The following LRRC32 variants were observed in gnomAD, a reference collection of about 807,000 sequenced individuals.
LRRC32 encodes the protein leucine rich repeat containing 32.
Under a neutral mutation model 15.0 loss-of-function variants are expected in LRRC32, and 5 were observed. The observed-to-expected ratio is 0.33, with a 90% CI of 0.17 to 0.70. The LOEUF (loss-of-function observed/expected upper bound fraction) is 0.70, where lower values mean the gene tolerates loss of function less well. LRRC32 is among the 30% of genes least tolerant of loss of function. LRRC32 has a pLI of 0.66. For missense variants in LRRC32, 803 were observed against 854.2 expected (o/e 0.94, Z 0.75); for synonymous variants, 391 against 403.9 (o/e 0.97, Z 0.38).
intron 1 of LRRC32, 62 bp from the exon 2 acceptor site, chr11:76,666,020 C>T (rs1952620554): frequency 2.7e-6 from 4 of 1,456,346 alleles, no homozygotes; most frequent in Non-Finnish European, 3.9e-6. Context: ...CCACTGCCAG[C>T]CCCCACTCCC....
intron 1 of LRRC32, among the ~76,000 whole-genome samples, 155 bp downstream of exon 1, chr11:76,670,459 G>A (rs1952693482): frequency 6.6e-6 from 1 of 152,224 alleles, no homozygotes; most frequent in African/African-American, 2.4e-5. Flanking sequence ...GACCGAGGGA[G>A]GGTCAGCCCC....
Position 76,660,986 on chromosome 11 carries a change from T to C in LRRC32, c.607A>G (p.Asn203Asp). Residue 203 changes from asparagine (N) to aspartate (D), a missense_variant, in exon 3 of 3, where the codon AAC becomes GAC. Physicochemically the swap from Asn to Asp is conservative, Grantham distance 23. Coordinates refer to ENST00000260061, the MANE Select transcript of LRRC32 (RefSeq NM_001128922.2). The stretch of plus-strand genomic sequence containing the variant: ...CAGGTGAGGGAATTCCTGGAGAGGT[T>C]GAGATGGGTCAGGCGGGGCAGACCC... ...FEGLPRLTHLNLSRNSLTCIS... is the reference protein window; with the variant it reads ...FEGLPRLTHLDLSRNSLTCIS... 6.2e-7 allele frequency: 1 copy of C among 1,614,066 alleles called. No homozygotes were observed. Among genetic ancestry groups the C allele is most frequent in the South Asian group, 1.1e-5 (1 of 91,076 alleles).
chr11:76,660,286 C>A lies in LRRC32; in HGVS notation c.1307G>T (p.Cys436Phe). The A allele has an allele frequency of 6.3e-7, 1 of 1,582,810 alleles. No homozygotes were observed. The highest frequency in any genetic ancestry group is 8.6e-7 in the Non-Finnish European group (1 of 1,166,654). The change falls in exon 3 of 3, where the codon TGT becomes TTT. Residue 436 changes from cysteine (C) to phenylalanine (F), a missense_variant. Physicochemically the swap from Cys to Phe is radical, Grantham distance 205 (BLOSUM62 -2). Transcript: ENST00000260061. ...GGAGGTGATGCCGGAGAAGGCCACA[C>A]AGCCGGAGGGGCCAGGCTCATCTGG... Reference protein sequence around the residue: ...GGPDEPGPSGCVAFSGITSLR... With the variant: ...GGPDEPGPSGFVAFSGITSLR...
chr11:76,659,436 G>A lies in LRRC32; in HGVS notation c.*168C>T, dbSNP rs563473113. 2.0e-5 allele frequency: 15 copies of A among 734,758 alleles called. No individual in the cohort carries two copies. Among genetic ancestry groups the A allele is most frequent in the Admixed American group, 5.9e-5 (2 of 33,656 alleles). The allele number at this position is 734,758 out of a possible 1,614,324, so 45.5% of individuals were successfully genotyped here. ...CACAGCTGGACCCAAAGTGCAGCCC[G>A]GGAAGGGGGTCACCCACTGATGCAG... On this transcript the variant is annotated 3_prime_UTR_variant, in exon 3 of 3. Coordinates refer to ENST00000260061, the MANE Select transcript of LRRC32 (RefSeq NM_001128922.2).
rs1340784391 is a variant in LRRC32, at chr11:76,660,216, C to G, written c.1377G>C (p.Arg459Ser). The change falls in exon 3 of 3, where the codon AGG (arginine) becomes AGC (serine). Residue 459 changes from arginine to serine, a missense_variant. Arg to Ser is a moderately radical substitution (Grantham distance 110). Transcript: ENST00000260061. ...GTGGGGTGTGGAGGAAGGCCCCTGC[C>G]CTGAGCAGCTCTATCTCATTATCCA... ...SLVDNEIELL[R>S]AGAFLHTPLT... The G allele has an allele frequency of 1.9e-6, 3 of 1,578,176 alleles. No homozygotes were observed. In the Admixed American group the frequency reaches 5.5e-5, roughly 29 times the overall value.
chr11:76,664,269 G>C (rs761663161), intron 2 of LRRC32, among the ~76,000 whole-genome samples: 45 of 152,352 alleles, frequency 3.0e-4, no homozygotes, highest in Non-Finnish European at 6.0e-4. Flanking sequence ...GGTGGGCAGG[G>C]CTGCACTGGG....
rs1191933312 is a variant in LRRC32 at position 76,659,791 on chromosome 11, C to T, written c.1802G>A (p.Arg601His). 18 of 1,614,112 alleles carry T rather than the reference C, an allele frequency of 1.1e-5. No individual in the cohort carries two copies. Among genetic ancestry groups the T allele is most frequent in the Middle Eastern group, 1.6e-4 (1 of 6,082 alleles). Residue 601 changes from arginine (R) to histidine (H), a missense_variant, in exon 3 of 3, where the codon CGC becomes CAC. By Grantham distance (29) the Arg-to-His change is conservative. Coordinates refer to ENST00000260061, the MANE Select transcript of LRRC32 (RefSeq NM_001128922.2). ...GGACACCTCCTCCTGGGAGCTGAAG[C>T]GGCAGATCAGGTCCTGGGTGGCGTC... is the stretch of plus-strand genomic sequence containing the variant. ...DVDATQDLIC[R>H]FSSQEEVSLS...
In LRRC32 at chr11:76,657,581, C is replaced by T. The variant is rs1052721689; in HGVS notation, c.*2023G>A. The T allele has an allele frequency of 3.3e-5, 5 of 152,842 alleles. No individual in the cohort carries two copies. Among genetic ancestry groups the T allele is most frequent in the Middle Eastern group, 3.2e-3 (1 of 316 alleles). 9.5% of individuals were successfully genotyped at this position (152,842 alleles called of 1,614,324 possible). A position where few individuals can be genotyped will look rare whatever the true frequency, so the allele number is the denominator to read the frequency against. On this transcript the variant is annotated 3_prime_UTR_variant, in exon 3 of 3. Transcript: ENST00000260061. ...GGTAGGTTATACAAAGAGTTGGTCC[C>T]GAGGCCTGGGCTGAGGCCTGGGCCC...
intron 2 of LRRC32, among the ~76,000 whole-genome samples, chr11:76,662,315 T>C (rs774603059): frequency 6.6e-5 from 10 of 152,176 alleles, no homozygotes; most frequent in East Asian, 1.9e-4. Flanking sequence ...GGAAGTCACA[T>C]AACCACTCTG....
chr11:76,668,233 C>A (rs539799288), intron 1 of LRRC32, among the ~76,000 whole-genome samples: 15 of 152,154 alleles, frequency 9.9e-5, no homozygotes, highest in African/African-American at 3.6e-4. Flanking sequence ...CCATCCATGC[C>A]GTCAGTGGGC....
rs780327997 is a variant in LRRC32 at position 76,660,785 on chromosome 11, G to C, written c.808C>G (p.Leu270Val). 3 of 1,614,184 alleles carry C rather than the reference G, an allele frequency of 1.9e-6. No homozygotes were observed. Among genetic ancestry groups the C allele is most frequent in the Admixed American group, 3.3e-5 (2 of 60,030 alleles). The change falls in exon 3 of 3, where the codon CTG (leucine) becomes GTG (valine). Residue 270 changes from leucine to valine, a missense_variant. Leu to Val is a conservative substitution (Grantham distance 32). Coordinates refer to ENST00000260061, the MANE Select transcript of LRRC32 (RefSeq NM_001128922.2). ...DLAALPRLIYLNLSNNLIRLP... is the reference protein window; with the variant it reads ...DLAALPRLIYVNLSNNLIRLP... ...CGGATGAGGTTGTTGGACAAGTTCA[G>C]GTAGATGAGTCTCGGGAGCGCGGCC...
In LRRC32 at chr11:76,661,421, C is replaced by T; in HGVS notation, c.172G>A (p.Gly58Arg). ...PPDTETLDLS[G>R]NQLRSILASP... The stretch of plus-strand genomic sequence containing the variant: ...GCCAGGATACTCCGCAGCTGGTTCC[C>T]AGATAGATCAAGGGTCTCAGTGTCT... Residue 58 changes from glycine to arginine, a missense_variant, in exon 3 of 3, where the codon GGG (glycine) becomes AGG (arginine). By Grantham distance (125) the Gly-to-Arg change is moderately radical. Coordinates refer to ENST00000260061, the MANE Select transcript of LRRC32 (RefSeq NM_001128922.2). 4 of 1,614,062 alleles carry T rather than the reference C, an allele frequency of 2.5e-6. No individual in the cohort carries two copies. The highest frequency in any genetic ancestry group is 3.4e-6 in the Non-Finnish European group (4 of 1,179,958).
At position 76,660,401 on chromosome 11, in the gene LRRC32, G is replaced by A. The variant is rs1952497062; in HGVS notation, c.1192C>T (p.Leu398=). 1 of 1,613,584 alleles carries A rather than the reference G, an allele frequency of 6.2e-7. No homozygotes were observed. Among genetic ancestry groups the A allele is most frequent in the African/African-American group, 1.3e-5 (1 of 74,930 alleles). ...AAGGTGTATGGGGGCAGGTCCCGCA[G>A]GGCATTGCCCTGTAGGAGCAGCGTC... ...LRTLLLQGNA[L]RDLPPYTFAN... Residue 398 remains leucine, a synonymous_variant, in exon 3 of 3, where the codon CTG becomes TTG. Transcript: ENST00000260061.
rs971769672 is a variant in LRRC32, at chr11:76,658,790, G to C, written c.*814C>G. On this transcript the variant is annotated 3_prime_UTR_variant, in exon 3 of 3. Transcript: ENST00000260061. Reference sequence around the variant, plus strand: ...GCAGCCAAGGTGGGGCTGCGATGGAGAAGTGGGGCTGGGCAGGGACGGTGC... The same window carrying C: ...GCAGCCAAGGTGGGGCTGCGATGGACAAGTGGGGCTGGGCAGGGACGGTGC... 2 of 152,920 alleles carry C rather than the reference G, an allele frequency of 1.3e-5. No homozygotes were observed. Among genetic ancestry groups the C allele is most frequent in the African/African-American group, 4.8e-5 (2 of 41,454 alleles). 9.5% of individuals were successfully genotyped at this position (152,920 alleles called of 1,614,324 possible).
rs1376083099 is a variant in LRRC32, at chr11:76,661,176, G to C, written c.417C>G (p.Gly139=). 1 of 1,613,886 alleles carries C rather than the reference G, an allele frequency of 6.2e-7. No homozygotes were observed. The highest frequency in any genetic ancestry group is 1.7e-5 in the Admixed American group (1 of 60,030). Residue 139 remains glycine (G), a synonymous_variant, in exon 3 of 3, where the codon GGC becomes GGG. Transcript: ENST00000260061. ...CCTCCCCCAGCAGCCGCTCCAGCAGGCCGCTGTACAGGCTGTTCCCAGACA... is the reference window on the plus strand; with the variant it reads ...CCTCCCCCAGCAGCCGCTCCAGCAGCCCGCTGTACAGGCTGTTCCCAGACA... The part of the protein sequence containing the change: ...LDLSGNSLYS[G]LLERLLGEAP...
At chr11:76,661,618 G>T in intron 2 of LRRC32, 110 bp from the exon 3 acceptor site, 1 of 1,444,994 alleles carries the variant, frequency 6.9e-7, no homozygotes, top group South Asian at 1.5e-5. Flanking sequence ...CTTCTCCCAT[G>T]GACTCCCAGA....
chr11:76,658,696 T>C lies in LRRC32; in HGVS notation c.*908A>G, dbSNP rs1952454855. 1 of 152,754 alleles carries C rather than the reference T, an allele frequency of 6.5e-6. No individual in the cohort carries two copies. The highest frequency in any genetic ancestry group is 2.1e-4 in the South Asian group (1 of 4,828). 9.5% of individuals were successfully genotyped at this position (152,754 alleles called of 1,614,324 possible). A position where few individuals can be genotyped will look rare whatever the true frequency, so the allele number is the denominator to read the frequency against. ...CATAGGGGCAGACACAAGGCTTGGATTCAAATCCACATCTGCCAAGCTGGG... is the reference window on the plus strand; with the variant it reads ...CATAGGGGCAGACACAAGGCTTGGACTCAAATCCACATCTGCCAAGCTGGG... On this transcript the variant is annotated 3_prime_UTR_variant, in exon 3 of 3. Transcript: ENST00000260061.
rs1228556965 is a variant in LRRC32, at chr11:76,661,043, C to T, written c.550G>A (p.Val184Met). The T allele has an allele frequency of 3.1e-6, 5 of 1,614,204 alleles. No individual in the cohort carries two copies. The highest frequency in any genetic ancestry group is 1.3e-5 in the African/African-American group (1 of 75,074). Reference protein sequence around the residue: ...ALEQLDLHSNVLMDIEDGAFE... With the variant: ...ALEQLDLHSNMLMDIEDGAFE... ...GCGCCATCCTCGATGTCCATCAGCA[C>T]GTTGCTATGCAGGTCAAGCTGCTCC... The change falls in exon 3 of 3, where the codon GTG (valine) becomes ATG (methionine). Residue 184 changes from valine to methionine, a missense_variant. Coordinates refer to ENST00000260061, the MANE Select transcript of LRRC32 (RefSeq NM_001128922.2).
Position 76,660,370 on chromosome 11 carries a change from T to C in LRRC32, c.1223A>G (p.Asn408Ser), listed in dbSNP as rs528347501. The change falls in exon 3 of 3, where the codon AAT (asparagine) becomes AGT (serine). Residue 408 changes from asparagine to serine, a missense_variant. By Grantham distance (46) the Asn-to-Ser change is conservative. Coordinates refer to ENST00000260061, the MANE Select transcript of LRRC32 (RefSeq NM_001128922.2). Reference protein sequence around the residue: ...LRDLPPYTFANLASLQRLNLQ... With the variant: ...LRDLPPYTFASLASLQRLNLQ... ...GTTGAGCCGCTGCAGGCTGGCCAGATTGGCAAAGGTGTATGGGGGCAGGTC... is the reference window on the plus strand; with the variant it reads ...GTTGAGCCGCTGCAGGCTGGCCAGACTGGCAAAGGTGTATGGGGGCAGGTC... The C allele has an allele frequency of 2.5e-6, 4 of 1,613,350 alleles. No individual in the cohort carries two copies. Among genetic ancestry groups the C allele is most frequent in the Admixed American group, 1.7e-5 (1 of 59,936 alleles).
Sources: gnomAD v4.1 joint callset for allele counts (sites outside exome capture counted in the v4.1 genomes callset) on GRCh38, gnomAD v4.1.1 for gene constraint, MANE v1.5 for transcripts, NCBI Gene and HGNC (gene_info 2026-07-23, HGNC 2026-07-21) for gene names.